LPGAT1: variants seen among roughly 807,000 people sequenced by gnomAD.
LPGAT1 encodes the protein lysophosphatidylglycerol acyltransferase 1.
A neutral mutation model predicts 47.5 loss-of-function variants in LPGAT1; 11 were observed. That is an observed-to-expected ratio of 0.23 (90% CI 0.15 to 0.38). The LOEUF (loss-of-function observed/expected upper bound fraction) is 0.38, where lower values mean the gene tolerates loss of function less well. Ranked by LOEUF, LPGAT1 falls within the 10% of genes least tolerant of loss-of-function variation. The pLI is 1.00. For synonymous variants in LPGAT1, 138 were observed against 144.2 expected (o/e 0.96, Z 0.31); for missense variants, 293 against 439.0 (o/e 0.67, Z 2.97).
intron 2 of LPGAT1, among the ~76,000 whole-genome samples, chr1:211,818,081 C>T (rs997103859): frequency 2.6e-5 from 4 of 152,104 alleles, no homozygotes; most frequent in African/African-American, 7.2e-5. Flanking sequence ...GTGATCCACC[C>T]GCCTTGGCCT....
Position 211,748,123 on chromosome 1 carries a change from T to C in LPGAT1, c.*1776A>G, listed in dbSNP as rs148691694. 0.016 allele frequency: 2,383 copies of C among 152,048 alleles called. 29 individuals are homozygous for C. Among genetic ancestry groups the C allele is most frequent in the Non-Finnish European group, 0.025 (1,671 of 67,854 alleles). 9.4% of individuals were successfully genotyped at this position (152,048 alleles called of 1,614,324 possible). ...TTAAAAATAGAAAACAGCAACCTTT[T>C]TTTGTTTTATAGCCTACTTCTCAAA... On this transcript the variant is annotated 3_prime_UTR_variant, in exon 8 of 8. Transcript: ENST00000366997.
At chr1:211,759,465 T>C (rs567358513) in intron 6 of LPGAT1, among the ~76,000 whole-genome samples, 5 of 152,218 alleles carry the variant, frequency 3.3e-5, no homozygotes, top group Admixed American at 2.0e-4. Context: ...AACAGTGTTT[T>C]CAAAGAAATG....
At chr1:211,787,830 ATTAACCAAAATATC>A (rs1314308511) in intron 3 of LPGAT1, 103 bp from the exon 4 acceptor site, 56 of 635,150 alleles carry the variant, frequency 8.8e-5, no homozygotes, top group Non-Finnish European at 1.4e-4. Flanking sequence ...CATACTTTTA[ATTAACCAAAATATC>A]TTAAGTCTAA....
intron 4 of LPGAT1, among the ~76,000 whole-genome samples, chr1:211,783,916 G>T (rs867777296): frequency 2.7e-4 from 41 of 152,270 alleles, no homozygotes; most frequent in Middle Eastern, 3.4e-3. Context: ...ATATGTGTTA[G>T]GAAGAAAACA....
rs768390051 is a variant in LPGAT1 at position 211,783,494 on chromosome 1, A to T, written c.462T>A (p.Ser154=). 6.2e-7 allele frequency: 1 copy of T among 1,613,060 alleles called. No homozygotes were observed. Among genetic ancestry groups the T allele is most frequent in the Non-Finnish European group, 8.5e-7 (1 of 1,179,460 alleles). Residue 154 remains serine (S), a synonymous_variant, in exon 5 of 8, where the codon TCT becomes TCA. Transcript: ENST00000366997. ...HGDFFIRQGR[S]YRDQQLLLLK... ...GAAGCAGCAGCTGTTGGTCACGATA[A>T]GATCTTCCCTAGAAGGTACACACAC...
intron 2 of LPGAT1, among the ~76,000 whole-genome samples, chr1:211,813,243 T>C (rs892513572): frequency 3.3e-5 from 5 of 152,158 alleles, no homozygotes; most frequent in Admixed American, 6.5e-5. Context: ...TACGAATGCA[T>C]TAAAAGGAAG....
chr1:211,810,117 A>G (rs1040577207), intron 2 of LPGAT1, among the ~76,000 whole-genome samples: 16 of 152,138 alleles, frequency 1.1e-4, no homozygotes, highest in Non-Finnish European at 2.9e-5. Flanking sequence ...CCCTGCCTGA[A>G]TGAATTAGTT....
chr1:211,830,459 G>T lies in LPGAT1; in HGVS notation c.-28+114C>A. The T allele has an allele frequency of 8.5e-7, 1 of 1,176,934 alleles. No homozygotes were observed. The highest frequency in any genetic ancestry group is 1.1e-6 in the Non-Finnish European group (1 of 950,058). 72.9% of individuals were successfully genotyped at this position (1,176,934 alleles called of 1,614,324 possible). On this transcript the variant is annotated intron_variant, in intron 1 of 7. Transcript: ENST00000366997. This position sits in a 1 kb window ranked among gnomAD's most constrained non-coding sequence, Gnocchi z 5.9. ...CTACCGCGCCCTCGTCCCTCAGGCC[G>T]CTGCCGCCTCCCCGGGCCACGCGAC...
At chr1:211,785,034 A>G (rs961875763) in intron 4 of LPGAT1, among the ~76,000 whole-genome samples, 3 of 151,960 alleles carry the variant, frequency 2.0e-5, no homozygotes, top group African/African-American at 7.3e-5. Context: ...CGATCTCCTG[A>G]CCTTGTGATC....
chr1:211,799,602 A>T (rs780719201), intron 2 of LPGAT1, among the ~76,000 whole-genome samples: 7 of 152,212 alleles, frequency 4.6e-5, no homozygotes, highest in Admixed American at 6.5e-5. Context: ...GTTGCCCATG[A>T]TTATGCCAGG....
At chr1:211,750,076 T>C in intron 7 of LPGAT1, 26 bp from the exon 8 acceptor site, 1 of 1,603,988 alleles carries the variant, frequency 6.2e-7, no homozygotes. Flanking sequence ...GAAATATTAG[T>C]TTGTTTTACT....
intron 2 of LPGAT1, among the ~76,000 whole-genome samples, chr1:211,819,707 G>T (rs757490388): frequency 1.3e-5 from 2 of 152,100 alleles, no homozygotes; most frequent in Non-Finnish European, 2.9e-5. Context: ...AAGAGTTGCC[G>T]CGCACGGTGG....
At chr1:211,788,075 TATA>T (rs150159245) in intron 3 of LPGAT1, among the ~76,000 whole-genome samples, 2,692 of 152,276 alleles carry the variant, frequency 0.018, 85 homozygotes, top group African/African-American at 0.06. Context: ...TTTGAAACAA[TATA>T]ATAAAATGGT....
chr1:211,771,217 T>G (rs1397916652), intron 6 of LPGAT1, among the ~76,000 whole-genome samples: 1 of 152,112 alleles, frequency 6.6e-6, no homozygotes, highest in Non-Finnish European at 1.5e-5. Context: ...AGTGATATGA[T>G]GTACAGGTCT....
intron 2 of LPGAT1, among the ~76,000 whole-genome samples, chr1:211,808,779 C>CT (rs1659855880): frequency 6.6e-6 from 1 of 152,128 alleles, no homozygotes; most frequent in Non-Finnish European, 1.5e-5. Context: ...CAGTAAATAT[C>CT]TTTTTTCCTC....
At chr1:211,792,099 A>G (rs1278441115) in intron 3 of LPGAT1, 1 of 151,408 alleles carries the variant, frequency 6.6e-6, no homozygotes, top group East Asian at 1.9e-4. Flanking sequence ...TATTCCCCCA[A>G]TCTTTTGTTT....
intron 6 of LPGAT1, among the ~76,000 whole-genome samples, chr1:211,761,986 T>C (rs941467115): frequency 6.6e-6 from 1 of 152,196 alleles, no homozygotes; most frequent in Non-Finnish European, 1.5e-5. Flanking sequence ...GTCCCAGTGG[T>C]TAGCACAGAA....
At position 211,747,718 on chromosome 1, in the gene LPGAT1, T is replaced by G. The variant is rs1041090142; in HGVS notation, c.*2181A>C. Reference sequence around the variant, plus strand: ...GAACAATTTCATTTCATCCAGTAATTTAGTGGTGCTTGCTGGGCCTCAAAC... The same window carrying G: ...GAACAATTTCATTTCATCCAGTAATGTAGTGGTGCTTGCTGGGCCTCAAAC... On this transcript the variant is annotated 3_prime_UTR_variant, in exon 8 of 8. Coordinates refer to ENST00000366997, the MANE Select transcript of LPGAT1 (RefSeq NM_014873.3). The G allele has an allele frequency of 3.3e-5, 5 of 152,210 alleles. No homozygotes were observed. The highest frequency in any genetic ancestry group is 9.6e-5 in the African/African-American group (4 of 41,452). 9.4% of individuals were successfully genotyped at this position (152,210 alleles called of 1,614,324 possible). A position where few individuals can be genotyped will look rare whatever the true frequency, so the allele number is the denominator to read the frequency against.
intron 2 of LPGAT1, among the ~76,000 whole-genome samples, chr1:211,793,649 T>A (rs1022018542): frequency 1.3e-5 from 2 of 152,060 alleles, no homozygotes; most frequent in Non-Finnish European, 2.9e-5. Context: ...GCCAGGCTGG[T>A]CTCAAACTCT....
Sources: gnomAD v4.1 joint callset for allele counts (sites outside exome capture counted in the v4.1 genomes callset) on GRCh38, gnomAD v4.1.1 for gene constraint, Gnocchi (gnomAD v3.1) non-coding constraint, MANE v1.5 for transcripts, NCBI Gene and HGNC (gene_info 2026-07-23, HGNC 2026-07-21) for gene names.